FGF14: variants seen among roughly 807,000 people sequenced by gnomAD.
The protein encoded by FGF14 is fibroblast growth factor homologous factor 4.
FGF14 carries 5 observed loss-of-function variants against 25.5 expected under a neutral mutation model. That is an observed-to-expected ratio of 0.20 (90% CI 0.10 to 0.41). The LOEUF is 0.41. FGF14 is among the 10% of genes least tolerant of loss of function. The pLI is 1.00. For missense variants in FGF14, 222 were observed against 320.1 expected (o/e 0.69, Z 2.34); for synonymous variants, 138 against 118.3 (o/e 1.17, Z -1.08).
rs141000486 is a variant in FGF14, at chr13:102,368,206, T to G, written c.208+33265A>C. Among the ~76,000 whole-genome samples the G allele has an allele frequency of 2.1e-3, 322 of 152,328 alleles. 1 individual carries two copies. Among genetic ancestry groups the G allele is most frequent in the African/African-American group, 7.4e-3 (306 of 41,570 alleles). ...AAAGTATAATCTAGCCTATTTTAATTCACGTACATAAAATAATACTTATTT... is the reference window on the plus strand; with the variant it reads ...AAAGTATAATCTAGCCTATTTTAATGCACGTACATAAAATAATACTTATTT... On this transcript the variant is annotated intron_variant, in intron 1 of 4. Coordinates refer to the FGF14 transcript ENST00000376131.
chr13:102,205,528 T>C (rs955674693), intron 1 of FGF14, among the ~76,000 whole-genome samples: 2 of 151,842 alleles, frequency 1.3e-5, no homozygotes, highest in Non-Finnish European at 2.9e-5. Context: ...AAGTATAACA[T>C]ATGGTCCCTG....
chr13:101,971,374 CTTTTT>C lies in FGF14; in HGVS notation c.209-96083_209-96079del, dbSNP rs34042855. 4.1e-5 allele frequency among the ~76,000 whole-genome samples: 6 copies of C among 146,538 alleles called. No homozygotes were observed. In the South Asian group the frequency reaches 6.5e-4, roughly 16 times the overall value. ...ATCTCTTCAAGGTCTCAGCATATAACTTTTTTTTTTTTTTTGAAATGGGTCTCACT... is the reference window on the plus strand; with the variant it reads ...ATCTCTTCAAGGTCTCAGCATATAACTTTTTTTTTTGAAATGGGTCTCACT... On this transcript the variant is annotated intron_variant, in intron 1 of 4. Transcript: ENST00000376131.
chr13:102,076,968 G>T (rs776924443), intron 1 of FGF14, among the ~76,000 whole-genome samples: 8 of 151,996 alleles, frequency 5.3e-5, no homozygotes, highest in Non-Finnish European at 1.2e-4. Flanking sequence ...ATAGAGCATA[G>T]AAATAAAACC....
In FGF14 at chr13:101,713,406, C is replaced by A. The variant is rs1440755857; in HGVS notation, c.*9425G>T. On this transcript the variant is annotated 3_prime_UTR_variant, in exon 5 of 5. Transcript: ENST00000376143. Reference sequence around the variant, plus strand: ...GTTTTGTTAAATATGTCAAAATACTCTTTTCAACTGCACATTTTTTCAACG... The same window carrying A: ...GTTTTGTTAAATATGTCAAAATACTATTTTCAACTGCACATTTTTTCAACG... 6.6e-6 allele frequency: 1 copy of A among 152,098 alleles called. No individual in the cohort carries two copies. The highest frequency in any genetic ancestry group is 1.5e-5 in the Non-Finnish European group (1 of 68,026). The allele number at this position is 152,098 out of a possible 1,614,324, so 9.4% of individuals were successfully genotyped here.
chr13:102,121,274 A>C (rs1004477804), intron 1 of FGF14, among the ~76,000 whole-genome samples: 1 of 152,172 alleles, frequency 6.6e-6, no homozygotes, highest in Non-Finnish European at 1.5e-5. Flanking sequence ...CATTGCCTAC[A>C]GGTGGAAAAT....
At chr13:102,084,115 T>C (rs2043772719) in intron 1 of FGF14, among the ~76,000 whole-genome samples, 1 of 152,176 alleles carries the variant, frequency 6.6e-6, no homozygotes, top group African/African-American at 2.4e-5. Flanking sequence ...TTTCTCATAT[T>C]CAGAAGGTGA....
rs552040242 is a variant in FGF14, at chr13:102,295,844, A to G, written c.208+105627T>C. The stretch of plus-strand genomic sequence containing the variant: ...GGGCAGTAAAATATTTACACCATTC[A>G]GCAGCTCTGGGTCAAGTTCACACTG... On this transcript the variant is annotated intron_variant, in intron 1 of 4. Coordinates refer to the FGF14 transcript ENST00000376131. 8.5e-5 allele frequency among the ~76,000 whole-genome samples: 13 copies of G among 152,324 alleles called. No individual in the cohort carries two copies. The East Asian group carries it at 2.5e-3, about 29-fold the overall frequency.
At chr13:101,843,303 G>A (rs1566298293) in intron 3 of FGF14, among the ~76,000 whole-genome samples, 1 of 151,890 alleles carries the variant, frequency 6.6e-6, no homozygotes, top group Non-Finnish European at 1.5e-5. Flanking sequence ...ATGCATTTAG[G>A]GGGCGATGTG....
At chr13:101,940,084 G>A (rs1275113625) in intron 1 of FGF14, among the ~76,000 whole-genome samples, 1 of 152,180 alleles carries the variant, frequency 6.6e-6, no homozygotes, top group East Asian at 1.9e-4. Context: ...CTCTGGACCT[G>A]CAAAAGAGGA....
intron 1 of FGF14, among the ~76,000 whole-genome samples, chr13:102,376,929 G>C (rs2058053828): frequency 6.6e-6 from 1 of 152,164 alleles, no homozygotes; most frequent in African/African-American, 2.4e-5. Context: ...CAAGTGTGAG[G>C]AACAGCCCCA....
intron 1 of FGF14, among the ~76,000 whole-genome samples, chr13:102,349,464 A>G (rs993029915): frequency 6.6e-5 from 10 of 152,198 alleles, no homozygotes; most frequent in Non-Finnish European, 1.5e-5. Flanking sequence ...TACAAACCCC[A>G]AAAGAGAATT....
At chr13:102,024,105 T>C (rs1373093741) in intron 1 of FGF14, among the ~76,000 whole-genome samples, 3 of 152,102 alleles carry the variant, frequency 2.0e-5, no homozygotes, top group African/African-American at 7.2e-5. Context: ...AAGTTTTACA[T>C]GAACATGTGT....
At chr13:101,883,083 G>A (rs928649397) in intron 1 of FGF14, among the ~76,000 whole-genome samples, 1 of 152,122 alleles carries the variant, frequency 6.6e-6, no homozygotes, top group Non-Finnish European at 1.5e-5. Flanking sequence ...CAGATGTTAT[G>A]TACAGAAAGA....
chr13:102,339,626 T>C (rs1390768146), intron 1 of FGF14, among the ~76,000 whole-genome samples: 3 of 152,172 alleles, frequency 2.0e-5, no homozygotes, highest in Admixed American at 6.6e-5. Flanking sequence ...TGCAGTGATA[T>C]CCTCAAAATT....
At chr13:102,378,493 C>T (rs780129570) in intron 1 of FGF14, among the ~76,000 whole-genome samples, 24 of 151,530 alleles carry the variant, frequency 1.6e-4, no homozygotes, top group Non-Finnish European at 3.1e-4. Flanking sequence ...TACCAGAGAA[C>T]GAAGGAAAGA....
chr13:102,070,061 CA>C (rs2043092324), intron 1 of FGF14, among the ~76,000 whole-genome samples: 1 of 152,138 alleles, frequency 6.6e-6, no homozygotes, highest in Admixed American at 6.5e-5. Flanking sequence ...TGCTTCTACA[CA>C]GTAATGGAAA....
chr13:102,362,460 A>G (rs2057594682), intron 1 of FGF14, among the ~76,000 whole-genome samples: 1 of 152,222 alleles, frequency 6.6e-6, no homozygotes, highest in Non-Finnish European at 1.5e-5. Flanking sequence ...AGAGATATTG[A>G]GATAAATAAA....
chr13:101,907,421 G>A (rs1192673235), intron 1 of FGF14, among the ~76,000 whole-genome samples: 1 of 152,130 alleles, frequency 6.6e-6, no homozygotes, highest in African/African-American at 2.4e-5. Context: ...GTATTTCGAT[G>A]CTAACTTTAC....
At chr13:102,113,159 C>T (rs993758525) in intron 1 of FGF14, among the ~76,000 whole-genome samples, 8 of 152,188 alleles carry the variant, frequency 5.3e-5, no homozygotes, top group Non-Finnish European at 5.9e-5. Flanking sequence ...TATTAACAAG[C>T]ATGCTTCTCT....
Sources: allele counts gnomAD v4.1 joint callset (sites outside exome capture counted in the v4.1 genomes callset), GRCh38; gene constraint gnomAD v4.1.1; transcripts MANE v1.5; gene names NCBI Gene and HGNC (gene_info 2026-07-23, HGNC 2026-07-21).